MPZL1: variants seen among roughly 807,000 people sequenced by gnomAD.
MPZL1 encodes the protein myelin protein zero-like protein 1.
Under a neutral mutation model 29.3 loss-of-function variants are expected in MPZL1, and 16 were observed. That is an observed-to-expected ratio of 0.55 (90% CI 0.37 to 0.83). MPZL1 has a LOEUF of 0.83. MPZL1 is among the 40% of genes least tolerant of loss of function. The pLI is 0.00. For synonymous variants in MPZL1, 143 were observed against 132.0 expected, an observed-to-expected ratio of 1.08 and a Z score of -0.57; for missense variants, 279 against 332.9, an observed-to-expected ratio of 0.84 and a Z score of 1.26.
At position 167,776,317 on chromosome 1, in the gene MPZL1, A is replaced by G. The variant is rs905295792; in HGVS notation, c.708+151A>G. ...AAAGAGAGAGTGGGAGTGAGGAATTAAAGGGCTGGCCTAGGAAGACCACAG... is the reference window on the plus strand; with the variant it reads ...AAAGAGAGAGTGGGAGTGAGGAATTGAAGGGCTGGCCTAGGAAGACCACAG... On this transcript the variant is annotated intron_variant, in intron 5 of 5. Coordinates refer to ENST00000359523, the MANE Select transcript of MPZL1 (RefSeq NM_003953.6). 3.0e-5 allele frequency: 15 copies of G among 491,838 alleles called. No individual in the cohort carries two copies. In the Admixed American group the frequency reaches 5.8e-4, roughly 19 times the overall value. The allele number at this position is 491,838 out of a possible 1,614,324, so 30.5% of individuals were successfully genotyped here.
At chr1:167,730,183 C>T (rs1325394354) in intron 1 of MPZL1, among the ~76,000 whole-genome samples, 1 of 152,182 alleles carries the variant, frequency 6.6e-6, no homozygotes, top group African/African-American at 2.4e-5. Context: ...CGTGTTGAAG[C>T]CATCCTCACC....
intron 1 of MPZL1, among the ~76,000 whole-genome samples, chr1:167,739,312 C>CATATATATATATATATATATATAT (rs1346286313): frequency 2.4e-5 from 2 of 82,074 alleles, no homozygotes; most frequent in African/African-American, 6.3e-5. Flanking sequence ...TATATATACA[C>CATATATATATATATATATATATAT]ATATATATAT....
chr1:167,744,324 C>G (rs1436014301), intron 1 of MPZL1, among the ~76,000 whole-genome samples: 1 of 151,878 alleles, frequency 6.6e-6, no homozygotes, highest in African/African-American at 2.4e-5. Context: ...TAAAAACTTA[C>G]AAAGGGGACA....
At chr1:167,779,507 C>T (rs1661446786) in intron 5 of MPZL1, among the ~76,000 whole-genome samples, 2 of 152,026 alleles carry the variant, frequency 1.3e-5, no homozygotes, top group African/African-American at 4.8e-5. Flanking sequence ...ATTGCTTAAA[C>T]CACAGAAGCG....
At chr1:167,736,690 C>T (rs1436267267) in intron 1 of MPZL1, among the ~76,000 whole-genome samples, 2 of 152,174 alleles carry the variant, frequency 1.3e-5, no homozygotes, top group African/African-American at 4.8e-5. Context: ...TCCCTCCTTT[C>T]CATTGTCCCA....
In MPZL1 at chr1:167,742,346, A is replaced by C. The variant is rs561410855; in HGVS notation, c.91+20104A>C. On this transcript the variant is annotated intron_variant, in intron 1 of 5. Transcript: ENST00000359523. ...TGTTCTTGTTTTCCATAATATCAAA[A>C]ACCCGGCATATAAATATATAACAAG... 6.9e-4 allele frequency among the ~76,000 whole-genome samples: 105 copies of C among 152,240 alleles called. 1 individual carries two copies. Among genetic ancestry groups the C allele is most frequent in the African/African-American group, 2.4e-3 (99 of 41,574 alleles).
At chr1:167,783,955 TC>T (rs1661542757) in intron 5 of MPZL1, among the ~76,000 whole-genome samples, 1 of 152,188 alleles carries the variant, frequency 6.6e-6, no homozygotes. Flanking sequence ...TGGGGATGAC[TC>T]CTCTAACACC....
At chr1:167,773,461 A>T (rs1362329205) in intron 4 of MPZL1, 93 bp downstream of exon 4, 1 of 1,370,660 alleles carries the variant, frequency 7.3e-7, no homozygotes, top group Non-Finnish European at 9.8e-7. Flanking sequence ...ATTTTAAAGA[A>T]TTAACTACTA....
chr1:167,786,809 A>G (rs1190085439), intron 5 of MPZL1, among the ~76,000 whole-genome samples: 1 of 152,248 alleles, frequency 6.6e-6, no homozygotes, highest in Non-Finnish European at 1.5e-5. Context: ...TAAGCACGTT[A>G]TTAGACTTCT....
At chr1:167,759,608 A>AT (rs1337927385) in intron 1 of MPZL1, among the ~76,000 whole-genome samples, 2 of 152,168 alleles carry the variant, frequency 1.3e-5, no homozygotes, top group African/African-American at 4.8e-5. Context: ...GTTAATTTGG[A>AT]TTTTAGATGC....
At chr1:167,783,595 A>G (rs1661536388) in intron 5 of MPZL1, among the ~76,000 whole-genome samples, 1 of 152,372 alleles carries the variant, frequency 6.6e-6, no homozygotes, top group African/African-American at 2.4e-5. Flanking sequence ...TAGTCCTCAC[A>G]ACAGTCCTCC....
intron 1 of MPZL1, among the ~76,000 whole-genome samples, chr1:167,754,619 G>A (rs1450607535): frequency 6.6e-6 from 1 of 152,218 alleles, no homozygotes; most frequent in East Asian, 1.9e-4. Flanking sequence ...TATTTTACAA[G>A]TGAACATACC....
rs568734694 is a variant in MPZL1 at position 167,779,522 on chromosome 1, T to C, written c.708+3356T>C. The stretch of plus-strand genomic sequence containing the variant: ...ATTGCTTAAACCACAGAAGCGGACA[T>C]TGCAGTGAGCCAAGATCGCGCCACT... On this transcript the variant is annotated intron_variant, in intron 5 of 5. Transcript: ENST00000359523. Among the ~76,000 whole-genome samples, 18 of 151,976 alleles carry C rather than the reference T, an allele frequency of 1.2e-4. No individual in the cohort carries two copies. In the East Asian group the frequency reaches 3.5e-3, roughly 29 times the overall value.
intron 1 of MPZL1, among the ~76,000 whole-genome samples, chr1:167,741,183 ATTT>A (rs1161469215): frequency 2.3e-5 from 3 of 130,246 alleles, no homozygotes; most frequent in Non-Finnish European, 3.3e-5. Flanking sequence ...CGCCTGGCTA[ATTT>A]TTTTTTTTTT....
At chr1:167,780,035 A>G (rs1661462937) in intron 5 of MPZL1, among the ~76,000 whole-genome samples, 1 of 152,248 alleles carries the variant, frequency 6.6e-6, no homozygotes, top group Non-Finnish European at 1.5e-5. Context: ...TACTTGTAAT[A>G]GTAGAGCTTG....
Position 167,772,496 on chromosome 1 carries a change from C to A in MPZL1, c.472+8C>A. The stretch of plus-strand genomic sequence containing the variant: ...TCTATGTCGTAGAAAAAGGTACTTC[C>A]TTGAGTATTTTGGCAGTAATAATGC... On this transcript the variant is annotated splice_region_variant and intron_variant, in intron 3 of 5. Coordinates refer to ENST00000359523, the MANE Select transcript of MPZL1 (RefSeq NM_003953.6). 6.2e-7 allele frequency: 1 copy of A among 1,606,826 alleles called. No homozygotes were observed. Among genetic ancestry groups the A allele is most frequent in the Non-Finnish European group, 8.5e-7 (1 of 1,174,900 alleles).
chr1:167,758,303 A>G (rs1237302052), intron 1 of MPZL1, among the ~76,000 whole-genome samples: 2 of 152,232 alleles, frequency 1.3e-5, no homozygotes, highest in Non-Finnish European at 2.9e-5. Flanking sequence ...TGTTCCTAAT[A>G]ATACTGCCAC....
In MPZL1 at chr1:167,739,276, T is replaced by C. The variant is rs559880568; in HGVS notation, c.91+17034T>C. ...TAATACATACACATACATATATACA[T>C]ATATACATATATATATATATATATA... is the stretch of plus-strand genomic sequence containing the variant. On this transcript the variant is annotated intron_variant, in intron 1 of 5. Coordinates refer to ENST00000359523, the MANE Select transcript of MPZL1 (RefSeq NM_003953.6). Among the ~76,000 whole-genome samples the C allele has an allele frequency of 8.9e-3, 782 of 87,686 alleles. 12 individuals are homozygous for C. Among genetic ancestry groups the C allele is most frequent in the Non-Finnish European group, 8.4e-3 (397 of 47,204 alleles). The allele number at this position is 87,686 out of a possible 152,430, so 57.5% of individuals were successfully genotyped here.
In MPZL1 at chr1:167,787,923, A is replaced by G. The variant is rs752401822; in HGVS notation, c.*2A>G. ...TATGCGGATATCCGAAAGAATTAAG[A>G]GAATACCTAGAACATATCCTCAGCA... On this transcript the variant is annotated 3_prime_UTR_variant, in exon 6 of 6. Transcript: ENST00000359523. 1.2e-6 allele frequency: 2 copies of G among 1,600,190 alleles called. No homozygotes were observed. The highest frequency in any genetic ancestry group is 3.3e-5 in the Admixed American group (2 of 59,986).
Sources: allele counts gnomAD v4.1 joint callset (sites outside exome capture counted in the v4.1 genomes callset), GRCh38; gene constraint gnomAD v4.1.1; transcripts MANE v1.5; gene names NCBI Gene and HGNC (gene_info 2026-07-23, HGNC 2026-07-21).